Variants in BRAF observed in about 807,000 individuals in gnomAD.
BRAF encodes B-Raf proto-oncogene, serine/threonine kinase, also known as serine/threonine-protein kinase B-raf.
BRAF carries 16 observed loss-of-function variants against 104.6 expected under a neutral mutation model. The ratio of observed to expected loss-of-function variants is 0.15; its 90% CI spans 0.10 to 0.23. BRAF has a LOEUF of 0.23. Among genes scored for constraint, BRAF ranks in the 10% least tolerant of loss-of-function variants. The pLI, the probability that BRAF is intolerant of heterozygous loss-of-function variation, is 1.00. For missense variants in BRAF, 541 were observed against 937.3 expected (o/e 0.58, Z 5.52); for synonymous variants, 310 against 341.6 (o/e 0.91, Z 1.02).
chr7:140,724,139 T>C lies in BRAF; in HGVS notation c.*2355A>G, dbSNP rs188394332. 7.6e-6 allele frequency: 8 copies of C among 1,053,916 alleles called. No homozygotes were observed. Among genetic ancestry groups the C allele is most frequent in the African/African-American group, 1.7e-5 (1 of 60,386 alleles). 65.3% of individuals were successfully genotyped at this position (1,053,916 alleles called of 1,614,324 possible). ...TTCTAAAATGCAAGGGAAGAAAAAG[T>C]GTATCACCCTGAATATTGTTTAAGA... On this transcript the variant is annotated 3_prime_UTR_variant, in exon 20 of 20. Coordinates refer to ENST00000644969, the MANE Select transcript of BRAF (RefSeq NM_001374258.1).
At chr7:140,864,651 A>G (rs1810749044) in intron 1 of BRAF, among the ~76,000 whole-genome samples, 1 of 152,250 alleles carries the variant, frequency 6.6e-6, no homozygotes, top group African/African-American at 2.4e-5. Context: ...ATATTCAGTT[A>G]AGAAAATTTA....
At chr7:140,808,130 A>C in intron 4 of BRAF, 68 bp from the exon 5 acceptor site, 1 of 1,274,834 alleles carries the variant, frequency 7.8e-7, no homozygotes, top group Non-Finnish European at 1.1e-6. Context: ...CTCATGCTGA[A>C]GATATGAAAA....
At chr7:140,915,811 A>C (rs904340006) in intron 1 of BRAF, among the ~76,000 whole-genome samples, 2 of 152,068 alleles carry the variant, frequency 1.3e-5, no homozygotes, top group African/African-American at 4.8e-5. Context: ...CAATAGTTAA[A>C]AATAGTCTGC....
In BRAF at chr7:140,721,646, T is replaced by G. The variant is rs1795330813; in HGVS notation, c.*4848A>C. 1 of 1,535,580 alleles carries G rather than the reference T, an allele frequency of 6.5e-7. No individual in the cohort carries two copies. The highest frequency in any genetic ancestry group is 2.4e-5 in the East Asian group (1 of 40,818). Reference sequence around the variant, plus strand: ...TGAGGCAGAGATGCTACTACCCTCTTCTGGGGCTCAACTACCGATGGGCAT... The same window carrying G: ...TGAGGCAGAGATGCTACTACCCTCTGCTGGGGCTCAACTACCGATGGGCAT... On this transcript the variant is annotated 3_prime_UTR_variant, in exon 20 of 20. Coordinates refer to ENST00000644969, the MANE Select transcript of BRAF (RefSeq NM_001374258.1).
At chr7:140,789,671 T>C (rs1436607923) in intron 8 of BRAF, among the ~76,000 whole-genome samples, 1 of 152,168 alleles carries the variant, frequency 6.6e-6, no homozygotes, top group Non-Finnish European at 1.5e-5. Flanking sequence ...AATAATTGCA[T>C]AAGAATATAA....
intron 1 of BRAF, among the ~76,000 whole-genome samples, chr7:140,867,123 A>G (rs1179839494): frequency 6.6e-6 from 1 of 152,174 alleles, no homozygotes; most frequent in Non-Finnish European, 1.5e-5. Flanking sequence ...AACCTTATAC[A>G]GTGCCTACCT....
rs1436256519 is a variant in BRAF, at chr7:140,725,066, C to G, written c.*1428G>C. The G allele has an allele frequency of 2.9e-6, 3 of 1,046,240 alleles. No individual in the cohort carries two copies. The highest frequency in any genetic ancestry group is 2.3e-6 in the Non-Finnish European group (2 of 867,360). The allele number at this position is 1,046,240 out of a possible 1,614,324, so 64.8% of individuals were successfully genotyped here. A position where few individuals can be genotyped will look rare whatever the true frequency, so the allele number is the denominator to read the frequency against. On this transcript the variant is annotated 3_prime_UTR_variant, in exon 20 of 20. Transcript: ENST00000644969. ...AATATCCCTAAAATTGCTCTATTCTCTGTCTGGGAATTCAGCTGCCAAATT... is the reference window on the plus strand; with the variant it reads ...AATATCCCTAAAATTGCTCTATTCTGTGTCTGGGAATTCAGCTGCCAAATT...
chr7:140,796,002 A>G (rs1802456069), intron 7 of BRAF, among the ~76,000 whole-genome samples: 3 of 152,180 alleles, frequency 2.0e-5, no homozygotes, highest in Non-Finnish European at 2.9e-5. Context: ...ACATTAGTCA[A>G]TAAAGTTTTA....
rs774315162 is a variant in BRAF at position 140,725,062 on chromosome 7, TTC to T, written c.*1430_*1431del. 9.6e-7 allele frequency: 1 copy of T among 1,045,884 alleles called. No individual in the cohort carries two copies. Among genetic ancestry groups the T allele is most frequent in the Non-Finnish European group, 1.2e-6 (1 of 867,066 alleles). The allele number at this position is 1,045,884 out of a possible 1,614,324, so 64.8% of individuals were successfully genotyped here. On this transcript the variant is annotated 3_prime_UTR_variant, in exon 20 of 20. Transcript: ENST00000644969. ...TCCTAATATCCCTAAAATTGCTCTA[TTC>T]TCTGTCTGGGAATTCAGCTGCCAAA...
chr7:140,776,495 CACTTTA>C (rs1800348178), intron 14 of BRAF, among the ~76,000 whole-genome samples: 1 of 152,176 alleles, frequency 6.6e-6, no homozygotes, highest in Non-Finnish European at 1.5e-5. Context: ...GCAGATTTTT[CACTTTA>C]ACTTTATTAA....
intron 1 of BRAF, among the ~76,000 whole-genome samples, chr7:140,879,052 A>G (rs1812578958): frequency 6.7e-6 from 1 of 148,440 alleles, no homozygotes; most frequent in Middle Eastern, 3.4e-3. Context: ...TTTTTTTTGT[A>G]TTTTTAGTAG....
chr7:140,768,655 G>C (rs994675236), intron 14 of BRAF, among the ~76,000 whole-genome samples: 39 of 151,986 alleles, frequency 2.6e-4, no homozygotes, highest in African/African-American at 9.2e-4. Flanking sequence ...TACCATGCTT[G>C]GCTAATTAAA....
chr7:140,785,391 C>T (rs1801256215), intron 10 of BRAF, among the ~76,000 whole-genome samples: 1 of 152,144 alleles, frequency 6.6e-6, no homozygotes, highest in Non-Finnish European at 1.5e-5. Context: ...TTCCCACCCA[C>T]TAAGTTTAAG....
At chr7:140,910,695 G>C (rs1366798465) in intron 1 of BRAF, among the ~76,000 whole-genome samples, 5 of 151,856 alleles carry the variant, frequency 3.3e-5, no homozygotes, top group Non-Finnish European at 7.4e-5. Flanking sequence ...TTTTTTGAGA[G>C]GGTGACTCCT....
chr7:140,884,220 A>G (rs914768235), intron 1 of BRAF: 1 of 151,906 alleles, frequency 6.6e-6, no homozygotes, highest in African/African-American at 2.4e-5. Flanking sequence ...TTTTTTTAAA[A>G]TTAGATTCAA....
chr7:140,829,441 T>C (rs1806468925), intron 3 of BRAF, among the ~76,000 whole-genome samples: 1 of 152,010 alleles, frequency 6.6e-6, no homozygotes, highest in African/African-American at 2.4e-5. Flanking sequence ...CTTCTACATA[T>C]GCCAGCACCA....
rs1166565448 is a variant in BRAF at position 140,723,855 on chromosome 7, GTTTT to G, written c.*2635_*2638del. 2 of 1,045,250 alleles carry G rather than the reference GTTTT, an allele frequency of 1.9e-6. No individual in the cohort carries two copies. The highest frequency in any genetic ancestry group is 1.1e-4 in the East Asian group (2 of 17,662). 64.7% of individuals were successfully genotyped at this position (1,045,250 alleles called of 1,614,324 possible). On this transcript the variant is annotated 3_prime_UTR_variant, in exon 20 of 20. Transcript: ENST00000644969. ...TTTCACAAATAAGGACTTCTTCCTCGTTTTTTTAGGAGCTCAGTAAGTCTAACTG... is the reference window on the plus strand; with the variant it reads ...TTTCACAAATAAGGACTTCTTCCTCGTTTAGGAGCTCAGTAAGTCTAACTG...
Position 140,720,992 on chromosome 7 carries a change from T to C in BRAF, c.*5502A>G. Reference sequence around the variant, plus strand: ...AACTCGGCTGGCCGGGAGAAGCAGATGGTTTGTACAAACATTTTTTGATAC... The same window carrying C: ...AACTCGGCTGGCCGGGAGAAGCAGACGGTTTGTACAAACATTTTTTGATAC... On this transcript the variant is annotated 3_prime_UTR_variant, in exon 20 of 20. Transcript: ENST00000644969. 2 of 1,064,514 alleles carry C rather than the reference T, an allele frequency of 1.9e-6. No individual in the cohort carries two copies. The highest frequency in any genetic ancestry group is 2.3e-6 in the Non-Finnish European group (2 of 878,884). The allele number at this position is 1,064,514 out of a possible 1,614,324, so 65.9% of individuals were successfully genotyped here. A position where few individuals can be genotyped will look rare whatever the true frequency, so the allele number is the denominator to read the frequency against.
intron 8 of BRAF, among the ~76,000 whole-genome samples, chr7:140,791,769 A>C (rs1347888233): frequency 6.6e-6 from 1 of 152,224 alleles, no homozygotes; most frequent in African/African-American, 2.4e-5. Context: ...TATTTACCAG[A>C]AACTCGGTCT....
Sources: gnomAD v4.1 joint callset for allele counts (sites outside exome capture counted in the v4.1 genomes callset) on GRCh38, gnomAD v4.1.1 for gene constraint, MANE v1.5 for transcripts, NCBI Gene and HGNC (gene_info 2026-07-23, HGNC 2026-07-21) for gene names.